The following RTL4 variants were observed in gnomAD, a reference collection of about 807,000 sequenced individuals.
RTL4 encodes retrotransposon Gag-like protein 4.
In RTL4, 4 loss-of-function variants were observed where a neutral mutation model predicts 5.3. That is an observed-to-expected ratio of 0.75 (90% confidence interval 0.37 to 1.72). The LOEUF is 1.72. Among genes scored for constraint, RTL4 ranks in the 40% most tolerant of loss-of-function variants. RTL4 has a pLI of 0.04. For missense variants in RTL4, 260 were observed against 227.1 expected (o/e 1.14, Z -0.93); for synonymous variants, 98 against 87.3 (o/e 1.12, Z -0.68).
the RTL4 span, among the ~76,000 whole-genome samples, chrX:112,197,084 C>T: frequency 1.3e-4 from 13 of 96,714 alleles, no homozygotes; most frequent in African/African-American, 4.5e-4. Context: ...AGGTCCTTTG[C>T]CCATTTAAAA....
At chrX:112,241,826 T>C in the RTL4 span, among the ~76,000 whole-genome samples, 3 of 112,358 alleles carry the variant, frequency 2.7e-5, no homozygotes, top group African/African-American at 9.7e-5. Context: ...TTTATGGTTT[T>C]AGGTCTAACA....
At chrX:112,350,314 T>G in the RTL4 span, among the ~76,000 whole-genome samples, 1 of 109,226 alleles carries the variant, frequency 9.2e-6, no homozygotes, top group Non-Finnish European at 1.9e-5. Flanking sequence ...AGGATATTGG[T>G]CTAAAATTCT....
the RTL4 span, among the ~76,000 whole-genome samples, chrX:112,168,937 C>T: frequency 1.9e-3 from 109 of 57,520 alleles, no homozygotes; most frequent in Middle Eastern, 0.017. Flanking sequence ...TTCTTTCTTT[C>T]TTTTTCTTTC....
chrX:112,200,258 A>G, the RTL4 span, among the ~76,000 whole-genome samples: 5 of 112,071 alleles, frequency 4.5e-5, no homozygotes, highest in African/African-American at 6.5e-5. Context: ...ATGCAATGTG[A>G]CAGGGGGAAA....
At chrX:112,208,069 C>G in the RTL4 span, among the ~76,000 whole-genome samples, 1 of 111,507 alleles carries the variant, frequency 9.0e-6, no homozygotes, top group Non-Finnish European at 1.9e-5. Flanking sequence ...GGCATTGAGA[C>G]CAAAGGTTAA....
At chrX:112,283,420 G>A in the RTL4 span, among the ~76,000 whole-genome samples, 1 of 111,654 alleles carries the variant, frequency 9.0e-6, no homozygotes, top group Non-Finnish European at 1.9e-5. Flanking sequence ...ATCTCAGAGA[G>A]AAAGACTGGT....
the RTL4 span, among the ~76,000 whole-genome samples, chrX:112,429,296 C>A: frequency 9.0e-6 from 1 of 110,667 alleles, no homozygotes. Flanking sequence ...CTTTTCTCTC[C>A]TTTCTTAGAA....
At chrX:112,211,111 G>A in the RTL4 span, among the ~76,000 whole-genome samples, 2 of 112,448 alleles carry the variant, frequency 1.8e-5, no homozygotes, top group African/African-American at 6.5e-5. Flanking sequence ...TGCATGAGAT[G>A]ATATTAGTGG....
the RTL4 span, among the ~76,000 whole-genome samples, chrX:112,153,888 GA>G: frequency 1.8e-5 from 2 of 111,187 alleles, no homozygotes; most frequent in Admixed American, 1.9e-4. Context: ...TCAAATTACG[GA>G]AGGTTTCAGT....
chrX:112,244,964 G>A, the RTL4 span, among the ~76,000 whole-genome samples: 3 of 111,687 alleles, frequency 2.7e-5, no homozygotes, highest in Non-Finnish European at 5.6e-5. Context: ...AGCTTAATTT[G>A]GGGGGATATG....
the RTL4 span, among the ~76,000 whole-genome samples, chrX:112,245,029 C>T: frequency 8.0e-5 from 9 of 112,340 alleles, no homozygotes; most frequent in African/African-American, 2.9e-4. Flanking sequence ...GGCGTCCACT[C>T]TCTTCTGGCT....
chrX:112,414,324 T>C, the RTL4 span, among the ~76,000 whole-genome samples: 1 of 111,935 alleles, frequency 8.9e-6, no homozygotes, highest in Non-Finnish European at 1.9e-5. Context: ...CATTACTTTT[T>C]TCATGAATAC....
chrX:112,164,079 G>A, the RTL4 span, among the ~76,000 whole-genome samples: 2 of 111,844 alleles, frequency 1.8e-5, no homozygotes, highest in Non-Finnish European at 3.8e-5. Flanking sequence ...AAATCCAGAG[G>A]TCTAAAGTGA....
chrX:112,182,125 G>A, the RTL4 span, among the ~76,000 whole-genome samples: 2 of 111,570 alleles, frequency 1.8e-5, no homozygotes, highest in Non-Finnish European at 3.8e-5. Flanking sequence ...CAAACAGAAA[G>A]GAATAGCATC....
chrX:112,329,434 A>G, the RTL4 span, among the ~76,000 whole-genome samples: 1 of 111,459 alleles, frequency 9.0e-6, no homozygotes, highest in African/African-American at 3.3e-5. Flanking sequence ...TCCTCGACAC[A>G]TACACTCTCC....
the RTL4 span, among the ~76,000 whole-genome samples, chrX:112,426,250 T>C: frequency 9.0e-6 from 1 of 111,650 alleles, no homozygotes. Flanking sequence ...ATAGGTCTAT[T>C]TCTGAGATCT....
At chrX:112,426,382 T>C in the RTL4 span, among the ~76,000 whole-genome samples, 2 of 111,895 alleles carry the variant, frequency 1.8e-5, no homozygotes, top group African/African-American at 6.5e-5. Context: ...ATATACATTT[T>C]AGAATTAGTC....
the RTL4 span, among the ~76,000 whole-genome samples, chrX:112,355,293 T>G: frequency 4.6e-5 from 5 of 107,951 alleles, no homozygotes; most frequent in African/African-American, 1.7e-4. Context: ...GCAAAAAGCA[T>G]CCCCCTCAAA....
the RTL4 span, among the ~76,000 whole-genome samples, chrX:112,416,191 T>C: frequency 9.0e-6 from 1 of 111,692 alleles, no homozygotes; most frequent in African/African-American, 3.3e-5. Flanking sequence ...ATGTCTCTTC[T>C]GGTCTTACAC....
Sources: allele counts gnomAD v4.1 joint callset (sites outside exome capture counted in the v4.1 genomes callset), GRCh38; gene constraint gnomAD v4.1.1; transcripts MANE v1.5; gene names NCBI Gene and HGNC (gene_info 2026-07-23, HGNC 2026-07-21).